AGAP1: variants seen among roughly 807,000 people sequenced by gnomAD.
The protein encoded by AGAP1 is arf-GAP with GTPase, ANK repeat and PH domain-containing protein 1.
A neutral mutation model predicts 105.3 loss-of-function variants in AGAP1; 29 were observed. That is an observed-to-expected ratio of 0.28 (90% CI 0.21 to 0.38). AGAP1 has a LOEUF of 0.38. AGAP1 is among the 10% of genes least tolerant of loss of function. The pLI is 1.00. For missense variants in AGAP1, 998 were observed against 1,165.1 expected (o/e 0.86, Z 2.09); for synonymous variants, 509 against 485.9 (o/e 1.05, Z -0.63).
At chr2:235,921,741 A>T (rs2052191437) in intron 11 of AGAP1, among the ~76,000 whole-genome samples, 1 of 152,218 alleles carries the variant, frequency 6.6e-6, no homozygotes, top group African/African-American at 2.4e-5. Flanking sequence ...TTCCTAGTAG[A>T]TATGTTGAAT....
intron 1 of AGAP1, among the ~76,000 whole-genome samples, chr2:235,579,571 C>T (rs1054501070): frequency 5.3e-5 from 8 of 151,996 alleles, no homozygotes; most frequent in Non-Finnish European, 8.8e-5. Context: ...GTCAGGAGAT[C>T]GAGACCATCC....
Position 235,556,166 on chromosome 2 carries a change from G to A in AGAP1, c.163+61317G>A, listed in dbSNP as rs546610443. ...TGGGAGGGAGCCAGCCTGGTGGACCGTGGCCTGCACACCTGCAGCAGCTCC... is the reference window on the plus strand; with the variant it reads ...TGGGAGGGAGCCAGCCTGGTGGACCATGGCCTGCACACCTGCAGCAGCTCC... On this transcript the variant is annotated intron_variant, in intron 1 of 17. Coordinates refer to ENST00000304032, the MANE Select transcript of AGAP1 (RefSeq NM_001037131.3). The surrounding 1 kb of genome is among the most constrained non-coding windows in gnomAD (Gnocchi z 5.3). Among the ~76,000 whole-genome samples the A allele has an allele frequency of 1.6e-4, 25 of 152,148 alleles. No homozygotes were observed. The highest frequency in any genetic ancestry group is 6.0e-4 in the African/African-American group (25 of 41,580).
intron 16 of AGAP1, among the ~76,000 whole-genome samples, chr2:236,067,748 A>G (rs995509214): frequency 1.3e-5 from 2 of 152,206 alleles, no homozygotes; most frequent in African/African-American, 4.8e-5. Flanking sequence ...CGTTCCGCAC[A>G]TCCTTTCCAG....
rs2055162864 is a variant in AGAP1, at chr2:235,983,119, C to T, written c.1645+14496C>T. Among the ~76,000 whole-genome samples, 1 of 152,168 alleles carries T rather than the reference C, an allele frequency of 6.6e-6. No homozygotes were observed. Among genetic ancestry groups the T allele is most frequent in the South Asian group, 2.1e-4 (1 of 4,816 alleles). ...GGCCATTTGCTGAGCAGGAAGCTGGCCTCAGGGGTCTCCCAGGATGCTGGG... is the reference window on the plus strand; with the variant it reads ...GGCCATTTGCTGAGCAGGAAGCTGGTCTCAGGGGTCTCCCAGGATGCTGGG... On this transcript the variant is annotated intron_variant, in intron 13 of 17. Coordinates refer to ENST00000304032, the MANE Select transcript of AGAP1 (RefSeq NM_001037131.3). The surrounding 1 kb of genome is among the most constrained non-coding windows in gnomAD (Gnocchi z 4.5).
chr2:236,067,721 C>T (rs1297160319), intron 16 of AGAP1, among the ~76,000 whole-genome samples: 1 of 152,212 alleles, frequency 6.6e-6, no homozygotes, highest in Non-Finnish European at 1.5e-5. Flanking sequence ...GGGGAAGAAA[C>T]CTCATCTCTT....
At chr2:235,828,911 A>C (rs909257422) in intron 9 of AGAP1, among the ~76,000 whole-genome samples, 8 of 152,210 alleles carry the variant, frequency 5.3e-5, no homozygotes, top group African/African-American at 1.9e-4. Context: ...CGTTTGTAAG[A>C]CACAGCTCTC....
rs1363657914 is a variant in AGAP1 at position 236,050,396 on chromosome 2, C to A, written c.2114+1115C>A. Among the ~76,000 whole-genome samples, 1 of 152,180 alleles carries A rather than the reference C, an allele frequency of 6.6e-6. No homozygotes were observed. The highest frequency in any genetic ancestry group is 1.5e-5 in the Non-Finnish European group (1 of 68,026). On this transcript the variant is annotated intron_variant, in intron 16 of 17. Coordinates refer to ENST00000304032, the MANE Select transcript of AGAP1 (RefSeq NM_001037131.3). The surrounding 1 kb of genome is among the most constrained non-coding windows in gnomAD (Gnocchi z 4.0). Reference sequence around the variant, plus strand: ...GGGAGGACAGGAAAGGTGCAAAGAACATATTTGTTTAAAATTGCATGGTTT... The same window carrying A: ...GGGAGGACAGGAAAGGTGCAAAGAAAATATTTGTTTAAAATTGCATGGTTT...
chr2:235,726,668 A>G (rs767185406), intron 3 of AGAP1, among the ~76,000 whole-genome samples: 2 of 152,042 alleles, frequency 1.3e-5, no homozygotes, highest in Non-Finnish European at 2.9e-5. Context: ...ATTATAGCAG[A>G]CCACTGTGCC....
Position 235,700,725 on chromosome 2 carries a change from T to C in AGAP1, c.164-8454T>C, listed in dbSNP as rs1273031619. 2.0e-5 allele frequency among the ~76,000 whole-genome samples: 3 copies of C among 151,856 alleles called. No homozygotes were observed. The highest frequency in any genetic ancestry group is 4.4e-5 in the Non-Finnish European group (3 of 67,962). Reference sequence around the variant, plus strand: ...TGAGGCGGGAGAATCACTTGAACCCTGGAGGCATAGGTTGCAGTGAGCCAA... The same window carrying C: ...TGAGGCGGGAGAATCACTTGAACCCCGGAGGCATAGGTTGCAGTGAGCCAA... On this transcript the variant is annotated intron_variant, in intron 1 of 17. Transcript: ENST00000304032. The surrounding 1 kb of genome is among the most constrained non-coding windows in gnomAD (Gnocchi z 6.1).
intron 13 of AGAP1, among the ~76,000 whole-genome samples, chr2:235,999,600 AGGTGGT>A (rs796324441): frequency 9.1e-6 from 1 of 110,384 alleles, no homozygotes; most frequent in East Asian, 2.7e-4. Context: ...TGATGGTGAG[AGGTGGT>A]GGTGGTGGTG....
At position 235,964,607 on chromosome 2, in the gene AGAP1, C is replaced by T. The variant is rs913934003; in HGVS notation, c.1484-3855C>T. Reference sequence around the variant, plus strand: ...CTTGGGGTCTCTGGATGCCCCACCCCCTGAACGTTATGAGGCTTCTGAACA... The same window carrying T: ...CTTGGGGTCTCTGGATGCCCCACCCTCTGAACGTTATGAGGCTTCTGAACA... On this transcript the variant is annotated intron_variant, in intron 12 of 17. Transcript: ENST00000304032. The surrounding 1 kb of genome is among the most constrained non-coding windows in gnomAD (Gnocchi z 4.6). 5.3e-5 allele frequency among the ~76,000 whole-genome samples: 8 copies of T among 152,230 alleles called. No individual in the cohort carries two copies. The highest frequency in any genetic ancestry group is 1.7e-4 in the African/African-American group (7 of 41,534).
rs139438601 is a variant in AGAP1, at chr2:236,023,494, T to G, written c.1646-13067T>G. Among the ~76,000 whole-genome samples the G allele has an allele frequency of 3.3e-3, 504 of 152,294 alleles. 6 individuals are homozygous for G. Among genetic ancestry groups the G allele is most frequent in the Non-Finnish European group, 1.9e-3 (126 of 68,022 alleles). Reference sequence around the variant, plus strand: ...TAATAGGGGAAAAAGAAAAAGGGCTTGGCGGAAGGTAAGCATCGGTGGTAA... The same window carrying G: ...TAATAGGGGAAAAAGAAAAAGGGCTGGGCGGAAGGTAAGCATCGGTGGTAA... On this transcript the variant is annotated intron_variant, in intron 13 of 17. Transcript: ENST00000304032.
At chr2:236,118,896 T>C (rs1366528147) in intron 16 of AGAP1, among the ~76,000 whole-genome samples, 1 of 152,140 alleles carries the variant, frequency 6.6e-6, no homozygotes, top group African/African-American at 2.4e-5. Context: ...GTCACGCTCT[T>C]TTTTGAGAAA....
At chr2:236,060,301 CA>C (rs1328895880) in intron 16 of AGAP1, among the ~76,000 whole-genome samples, 6 of 152,140 alleles carry the variant, frequency 3.9e-5, no homozygotes, top group African/African-American at 1.4e-4. Flanking sequence ...TTTAGTGCTT[CA>C]AAGGGCAGTG....
At chr2:235,514,528 C>G (rs1457855967) in intron 1 of AGAP1, among the ~76,000 whole-genome samples, 1 of 152,262 alleles carries the variant, frequency 6.6e-6, no homozygotes, top group African/African-American at 2.4e-5. Context: ...CAGGCCACTT[C>G]CTCTGTCTGG....
rs1187812884 is a variant in AGAP1, at chr2:235,633,824, T to C, written c.164-75355T>C. Among the ~76,000 whole-genome samples the C allele has an allele frequency of 6.6e-6, 1 of 152,190 alleles. No individual in the cohort carries two copies. The highest frequency in any genetic ancestry group is 1.5e-5 in the Non-Finnish European group (1 of 68,036). On this transcript the variant is annotated intron_variant, in intron 1 of 17. Coordinates refer to ENST00000304032, the MANE Select transcript of AGAP1 (RefSeq NM_001037131.3). This position sits in a 1 kb window ranked among gnomAD's most constrained non-coding sequence, Gnocchi z 4.8. ...GGCTAGCTTTGGGGAAAAGGGGTTT[T>C]GGTTTCTATGACCTGTCTTAGGGAT...
intron 9 of AGAP1, among the ~76,000 whole-genome samples, chr2:235,849,325 G>A (rs532344134): frequency 1.3e-5 from 2 of 152,292 alleles, no homozygotes; most frequent in African/African-American, 4.8e-5. Context: ...GCCAACGAGG[G>A]CCAATTATGA....
chr2:235,674,437 C>T (rs1197479228), intron 1 of AGAP1, among the ~76,000 whole-genome samples: 1 of 152,210 alleles, frequency 6.6e-6, no homozygotes, highest in Non-Finnish European at 1.5e-5. Flanking sequence ...TGGGCCGGCC[C>T]TGGAACCAGC....
chr2:236,123,189 T>G lies in AGAP1; in HGVS notation c.2371-730T>G, dbSNP rs2059941515. On this transcript the variant is annotated intron_variant, in intron 17 of 17. Transcript: ENST00000304032. This position sits in a 1 kb window ranked among gnomAD's most constrained non-coding sequence, Gnocchi z 4.6. ...CCTAGGCTCAAGCGATCCTCCCACC[T>G]CAGCCTCCTGCATAGCTGGGACCAC... 6.6e-6 allele frequency among the ~76,000 whole-genome samples: 1 copy of G among 152,156 alleles called. No individual in the cohort carries two copies.
Sources: allele counts gnomAD v4.1 joint callset (sites outside exome capture counted in the v4.1 genomes callset), GRCh38; gene constraint gnomAD v4.1.1; non-coding constraint Gnocchi (gnomAD v3.1); transcripts MANE v1.5; gene names NCBI Gene and HGNC (gene_info 2026-07-23, HGNC 2026-07-21).